ST3GAL3: variants seen among roughly 807,000 people sequenced by gnomAD.
ST3GAL3 encodes ST3 beta-galactoside alpha-2,3-sialyltransferase 3, also known as CMP-N-acetylneuraminate-beta-1,4-galactoside alpha-2,3-sialyltransferase.
In ST3GAL3, 21 loss-of-function variants were observed where a neutral mutation model predicts 50.1. The ratio of observed to expected loss-of-function variants is 0.42; its 90% CI spans 0.30 to 0.60. The LOEUF (loss-of-function observed/expected upper bound fraction) is 0.60. Among genes scored for constraint, ST3GAL3 ranks in the 20% least tolerant of loss-of-function variants. The pLI is 0.19. For missense variants in ST3GAL3, 353 were observed against 489.4 expected, an observed-to-expected ratio of 0.72 and a Z score of 2.63; for synonymous variants, 183 against 190.0, an observed-to-expected ratio of 0.96 and a Z score of 0.30.
chr1:43,803,052 A>T (rs1278547331), intron 3 of ST3GAL3, among the ~76,000 whole-genome samples: 1 of 151,896 alleles, frequency 6.6e-6, no homozygotes, highest in Non-Finnish European at 1.5e-5. Context: ...CAGCCTCCCA[A>T]GTAGCTGGGA....
intron 2 of ST3GAL3, among the ~76,000 whole-genome samples, chr1:43,765,753 CTGTGTGTGTG>C (rs778848698): frequency 5.2e-5 from 6 of 115,808 alleles, no homozygotes; most frequent in East Asian, 2.7e-4. Flanking sequence ...CTGTGTGTGT[CTGTGTGTGTG>C]TGTGTGTGTG....
chr1:43,782,035 C>T (rs1231458162), intron 2 of ST3GAL3, among the ~76,000 whole-genome samples: 2 of 152,134 alleles, frequency 1.3e-5, no homozygotes, highest in Non-Finnish European at 2.9e-5. Context: ...CATTTGATAA[C>T]GTGTGGCTTC....
intron 9 of ST3GAL3, among the ~76,000 whole-genome samples, chr1:43,904,961 C>A (rs2078991818): frequency 1.2e-5 from 1 of 82,004 alleles, no homozygotes; most frequent in East Asian, 4.1e-4. Context: ...CACTCTTCCT[C>A]CCCTTCCTGC....
chr1:43,929,837 G>C (rs780765247), intron 11 of ST3GAL3, among the ~76,000 whole-genome samples: 3 of 152,208 alleles, frequency 2.0e-5, no homozygotes, highest in African/African-American at 7.2e-5. Context: ...GTGGGAACAA[G>C]GTCCTTCCGC....
intron 5 of ST3GAL3, among the ~76,000 whole-genome samples, chr1:43,857,551 C>CT (rs2068720755): frequency 8.0e-6 from 1 of 124,448 alleles, no homozygotes; most frequent in African/African-American, 3.0e-5. Context: ...CCCTCCCTTC[C>CT]TTCCTTTCCT....
intron 9 of ST3GAL3, among the ~76,000 whole-genome samples, chr1:43,917,596 ATATATATTATATATTATATATTATAT>A (rs2082178036): frequency 5.1e-5 from 1 of 19,596 alleles, no homozygotes; most frequent in South Asian, 1.5e-3. Flanking sequence ...TATATATAAT[ATATATATTATATATTATATATTATAT>A]TATATATAAT....
chr1:43,901,717 C>T (rs957777016), intron 9 of ST3GAL3, among the ~76,000 whole-genome samples: 1 of 152,198 alleles, frequency 6.6e-6, no homozygotes, highest in East Asian at 1.9e-4. Context: ...CACAGGCTCA[C>T]TCTTGATGAC....
At chr1:43,890,710 CTAAAAA>C (rs751117866) in intron 5 of ST3GAL3, among the ~76,000 whole-genome samples, 2 of 151,896 alleles carry the variant, frequency 1.3e-5, no homozygotes, top group Non-Finnish European at 2.9e-5. Context: ...TTCATCTCTA[CTAAAAA>C]TAAAAATAAA....
intron 5 of ST3GAL3, among the ~76,000 whole-genome samples, chr1:43,875,345 A>T (rs188233986): frequency 6.6e-6 from 1 of 152,138 alleles, no homozygotes; most frequent in African/African-American, 2.4e-5. Context: ...ACCTAGTTTA[A>T]CATATAATTT....
chr1:43,789,022 A>T (rs188143903), intron 2 of ST3GAL3, among the ~76,000 whole-genome samples: 1 of 152,208 alleles, frequency 6.6e-6, no homozygotes, highest in Admixed American at 6.5e-5. Flanking sequence ...TCTCTTGGGA[A>T]ATATAAGTAA....
intron 3 of ST3GAL3, among the ~76,000 whole-genome samples, chr1:43,795,524 G>A (rs11210924): frequency 0.35 from 53,342 of 152,054 alleles, 10,397 homozygotes; most frequent in East Asian, 0.59. Flanking sequence ...ATGGTAACCA[G>A]GCAAGAGCTG....
chr1:43,816,782 T>C (rs748631455), intron 4 of ST3GAL3, among the ~76,000 whole-genome samples: 2 of 152,228 alleles, frequency 1.3e-5, no homozygotes, highest in Non-Finnish European at 2.9e-5. Flanking sequence ...TAACTTGGTC[T>C]TTAGCACAGT....
chr1:43,922,514 TAGG>T (rs1012548662), intron 11 of ST3GAL3: 1 of 133,350 alleles, frequency 7.5e-6, no homozygotes, highest in Non-Finnish European at 1.6e-5. Context: ...AAAAGAAAAA[TAGG>T]AGGCAGGGCA....
At chr1:43,760,026 C>G (rs916301745) in intron 2 of ST3GAL3, among the ~76,000 whole-genome samples, 4 of 152,088 alleles carry the variant, frequency 2.6e-5, no homozygotes, top group African/African-American at 9.7e-5. Flanking sequence ...TATTGTTGCC[C>G]CAAGGAAAAG....
intron 3 of ST3GAL3, among the ~76,000 whole-genome samples, chr1:43,803,770 G>A (rs959012214): frequency 1.3e-5 from 2 of 152,220 alleles, no homozygotes; most frequent in Admixed American, 6.5e-5. Flanking sequence ...TAATTTCAAA[G>A]ACGTCTGAAA....
chr1:43,919,680 C>G (rs2082700937), intron 9 of ST3GAL3: 2 of 154,090 alleles, frequency 1.3e-5, no homozygotes, highest in South Asian at 4.1e-4. Context: ...CTAAAGGCCT[C>G]TGTGTTGTGG....
Position 43,899,130 on chromosome 1 carries a change from A to C in ST3GAL3, c.462-38A>C. 1 of 1,613,642 alleles carries C rather than the reference A, an allele frequency of 6.2e-7. No homozygotes were observed. Among genetic ancestry groups the C allele is most frequent in the Non-Finnish European group, 8.5e-7 (1 of 1,179,942 alleles). ...GAGCAGGGAAAGAGACCTGGTGGGC[A>C]GCTCTCTGTACAGAGGTCTCCGCCT... On this transcript the variant is annotated intron_variant, in intron 7 of 11. Coordinates refer to ENST00000347631, the MANE Select transcript of ST3GAL3 (RefSeq NM_006279.5). The surrounding 1 kb of genome is among the most constrained non-coding windows in gnomAD (Gnocchi z 5.4).
At chr1:43,889,259 A>G (rs2076388063) in intron 5 of ST3GAL3, among the ~76,000 whole-genome samples, 1 of 152,062 alleles carries the variant, frequency 6.6e-6, no homozygotes, top group South Asian at 2.1e-4. Flanking sequence ...TTATATCAAG[A>G]AAAAAGGATA....
Position 43,751,021 on chromosome 1 carries a change from T to C in ST3GAL3, c.118+14641T>C, listed in dbSNP as rs1685858843. Among the ~76,000 whole-genome samples the C allele has an allele frequency of 5.9e-5, 9 of 152,274 alleles. No homozygotes were observed. In the South Asian group the frequency reaches 1.9e-3, roughly 32 times the overall value. On this transcript the variant is annotated intron_variant, in intron 2 of 11. Transcript: ENST00000347631. ...AGAGAGATGATATTCTTAATATATATAAAGAGCTTGTATAAATTGGAAAAA... is the reference window on the plus strand; with the variant it reads ...AGAGAGATGATATTCTTAATATATACAAAGAGCTTGTATAAATTGGAAAAA...
Sources: gnomAD v4.1 joint callset for allele counts (sites outside exome capture counted in the v4.1 genomes callset) on GRCh38, gnomAD v4.1.1 for gene constraint, Gnocchi (gnomAD v3.1) non-coding constraint, MANE v1.5 for transcripts, NCBI Gene and HGNC (gene_info 2026-07-23, HGNC 2026-07-21) for gene names.